Variants in BTAF1 observed in about 807,000 individuals in gnomAD.
BTAF1 encodes TATA-binding protein-associated factor 172.
Under a neutral mutation model 227.1 loss-of-function variants are expected in BTAF1, and 38 were observed. That is an observed-to-expected ratio of 0.17 (90% CI 0.13 to 0.22). BTAF1 has a LOEUF of 0.22. Among genes scored for constraint, BTAF1 ranks in the 10% least tolerant of loss-of-function variants. The pLI is 1.00. For missense variants in BTAF1, 1,598 were observed against 2,204.0 expected (o/e 0.73, Z 5.51); for synonymous variants, 742 against 751.9 (o/e 0.99, Z 0.21).
rs941036079 is a variant in BTAF1, at chr10:92,029,780, T to C, written c.*847T>C. 6.6e-6 allele frequency: 1 copy of C among 152,348 alleles called. No individual in the cohort carries two copies. Among genetic ancestry groups the C allele is most frequent in the Non-Finnish European group, 1.5e-5 (1 of 67,944 alleles). 9.4% of individuals were successfully genotyped at this position (152,348 alleles called of 1,614,324 possible). ...CAACACCTACAGTGGAAAGACTGTT[T>C]ATTGTAGTAATGCATGGCTGAAGCA... On this transcript the variant is annotated 3_prime_UTR_variant, in exon 38 of 38. Coordinates refer to ENST00000265990, the MANE Select transcript of BTAF1 (RefSeq NM_003972.3).
intron 1 of BTAF1, chr10:91,935,028 G>C (rs186815125): frequency 6.6e-6 from 1 of 152,198 alleles, no homozygotes; most frequent in Non-Finnish European, 1.5e-5. Context: ...TTCAACCCCA[G>C]TAGCAAGTTC....
At position 91,923,850 on chromosome 10, in the gene BTAF1, C is replaced by T. The variant is rs1843644912; in HGVS notation, c.-227C>T. The T allele has an allele frequency of 4.4e-6, 2 of 457,978 alleles. No individual in the cohort carries two copies. 28.4% of individuals were successfully genotyped at this position (457,978 alleles called of 1,614,324 possible). The stretch of plus-strand genomic sequence containing the variant: ...TGAAGTCGTGCGGGTCGGAGGACTG[C>T]CGCCTCCGCTACCGTCTTGGACCCC... On this transcript the variant is annotated 5_prime_UTR_variant, in exon 1 of 38. Coordinates refer to ENST00000265990, the MANE Select transcript of BTAF1 (RefSeq NM_003972.3).
intron 19 of BTAF1, among the ~76,000 whole-genome samples, chr10:91,986,569 CTCT>C (rs1298761962): frequency 2.0e-5 from 3 of 151,854 alleles, no homozygotes. Flanking sequence ...CCCCTGGGTT[CTCT>C]TCTTTTATAA....
chr10:91,944,539 A>C (rs1845231588), intron 4 of BTAF1, among the ~76,000 whole-genome samples: 1 of 152,224 alleles, frequency 6.6e-6, no homozygotes, highest in Non-Finnish European at 1.5e-5. Flanking sequence ...ATCTTTAAAA[A>C]AATTTTCAAG....
chr10:91,959,236 C>G, intron 9 of BTAF1, 82 bp downstream of exon 9: 3 of 1,594,668 alleles, frequency 1.9e-6, no homozygotes, highest in Non-Finnish European at 2.6e-6. Context: ...CGAGTATGTG[C>G]CGTGAAGTAG....
At chr10:92,007,524 A>T (rs935708656) in intron 25 of BTAF1, among the ~76,000 whole-genome samples, 1 of 152,154 alleles carries the variant, frequency 6.6e-6, no homozygotes, top group African/African-American at 2.4e-5. Flanking sequence ...TGCCTCGCTT[A>T]TCAAGGACAT....
intron 19 of BTAF1, among the ~76,000 whole-genome samples, chr10:91,987,112 CTT>C (rs11347841): frequency 2.8e-3 from 327 of 114,940 alleles, no homozygotes; most frequent in South Asian, 3.7e-3. Context: ...CAAAAACTGG[CTT>C]TTTTTTTTTT....
intron 21 of BTAF1, among the ~76,000 whole-genome samples, 158 bp downstream of exon 21, chr10:91,992,467 A>C (rs1474381967): frequency 5.5e-4 from 84 of 152,298 alleles, no homozygotes; most frequent in Non-Finnish European, 1.0e-4. Context: ...GAAAAACGGC[A>C]AACTTCAAAT....
intron 4 of BTAF1, among the ~76,000 whole-genome samples, chr10:91,943,131 T>C (rs2133822904): frequency 6.6e-6 from 1 of 152,208 alleles, no homozygotes; most frequent in Non-Finnish European, 1.5e-5. Context: ...CTAACCAACA[T>C]GGCGAAACCC....
chr10:92,022,165 C>T (rs1458221517), intron 34 of BTAF1, among the ~76,000 whole-genome samples: 4 of 152,176 alleles, frequency 2.6e-5, no homozygotes, highest in Non-Finnish European at 5.9e-5. Flanking sequence ...GACAGAGATA[C>T]TTACGTCAAA....
chr10:92,001,305 G>A (rs146263237), intron 25 of BTAF1, among the ~76,000 whole-genome samples: 1 of 152,190 alleles, frequency 6.6e-6, no homozygotes, highest in Admixed American at 6.5e-5. Context: ...AGGTCCACAG[G>A]GGGGTTCTCC....
chr10:91,989,341 A>C lies in BTAF1; in HGVS notation c.2615A>C (p.Glu872Ala). Reference sequence around the variant, plus strand: ...GTTGTGAGCTTGCAGCAGCTTCCGGAGAAATTAAATCCTATCATAAAACCA... The same window carrying C: ...GTTGTGAGCTTGCAGCAGCTTCCGGCGAAATTAAATCCTATCATAAAACCA... ...CAVVSLQQLP[E>A]KLNPIIKPLM... The change falls in exon 20 of 38, where the codon GAG (glutamate) becomes GCG (alanine). Residue 872 changes from glutamate (E) to alanine (A), a missense_variant. By Grantham distance (107) the Glu-to-Ala change is moderately radical (BLOSUM62 -1). Coordinates refer to ENST00000265990, the MANE Select transcript of BTAF1 (RefSeq NM_003972.3). The C allele has an allele frequency of 6.2e-7, 1 of 1,614,220 alleles. No individual in the cohort carries two copies. Among genetic ancestry groups the C allele is most frequent in the Non-Finnish European group, 8.5e-7 (1 of 1,180,052 alleles).
intron 21 of BTAF1, among the ~76,000 whole-genome samples, chr10:91,992,806 C>G (rs2134031919): frequency 6.6e-6 from 1 of 152,312 alleles, no homozygotes; most frequent in Non-Finnish European, 1.5e-5. Context: ...GTGTGAGGGT[C>G]TATTCAGGCT....
intron 34 of BTAF1, among the ~76,000 whole-genome samples, chr10:92,022,582 T>C (rs545630325): frequency 1.3e-5 from 2 of 152,080 alleles, no homozygotes; most frequent in African/African-American, 2.4e-5. Context: ...CACACCTGGC[T>C]AATTTTGTTT....
chr10:91,985,211 A>G (rs1425508001), intron 19 of BTAF1, among the ~76,000 whole-genome samples: 1 of 152,142 alleles, frequency 6.6e-6, no homozygotes, highest in Non-Finnish European at 1.5e-5. Flanking sequence ...TGCCTGTTCT[A>G]GAATTTCATG....
intron 1 of BTAF1, among the ~76,000 whole-genome samples, chr10:91,930,180 T>C (rs1844177731): frequency 6.6e-6 from 1 of 152,198 alleles, no homozygotes; most frequent in Admixed American, 6.5e-5. Flanking sequence ...ATAAGAAGTT[T>C]TAAAACCACC....
At position 92,031,387 on chromosome 10, in the gene BTAF1, G is replaced by A. The variant is rs1274942868; in HGVS notation, c.*2454G>A. Among the ~76,000 whole-genome samples the A allele has an allele frequency of 1.3e-5, 2 of 152,142 alleles. No homozygotes were observed. The highest frequency in any genetic ancestry group is 2.9e-5 in the Non-Finnish European group (2 of 68,038). Reference sequence around the variant, plus strand: ...AACTGGTATAGCCTTATTCCTTCTGGATGGTTTATATGAACTTACTTATTC... The same window carrying A: ...AACTGGTATAGCCTTATTCCTTCTGAATGGTTTATATGAACTTACTTATTC... On this transcript the variant is annotated 3_prime_UTR_variant, in exon 38 of 38. Transcript: ENST00000265990.
intron 2 of BTAF1, 114 bp downstream of exon 2, chr10:91,935,894 CTTTT>C (rs944210078): frequency 2.3e-6 from 2 of 866,286 alleles, no homozygotes; most frequent in Non-Finnish European, 3.0e-6. Context: ...TTTGCTATTT[CTTTT>C]TTTTTTCTGG....
intron 3 of BTAF1, 86 bp from the exon 4 acceptor site, chr10:91,942,336 C>T (rs1448633899): frequency 2.5e-5 from 21 of 848,974 alleles, no homozygotes; most frequent in Non-Finnish European, 3.6e-5. Context: ...GTGTGTAACC[C>T]ATGCAACCCA....
Sources: allele counts gnomAD v4.1 joint callset (sites outside exome capture counted in the v4.1 genomes callset), GRCh38; gene constraint gnomAD v4.1.1; transcripts MANE v1.5; gene names NCBI Gene and HGNC (gene_info 2026-07-23, HGNC 2026-07-21).